Variants in SLC30A6 observed in about 807,000 individuals in gnomAD.
SLC30A6 encodes the protein solute carrier family 30 member 6.
A neutral mutation model predicts 63.0 loss-of-function variants in SLC30A6; 55 were observed. The ratio of observed to expected loss-of-function variants is 0.87; its 90% confidence interval spans 0.70 to 1.09. SLC30A6 has a LOEUF of 1.09. Among genes scored for constraint, SLC30A6 ranks in the 50% least tolerant of loss-of-function variants. The pLI is 0.00. For synonymous variants in SLC30A6, 224 were observed against 186.1 expected (o/e 1.20, Z -1.66); for missense variants, 587 against 549.2 (o/e 1.07, Z -0.69).
chr2:32,184,842 TAA>T, intron 5 of SLC30A6, among the ~76,000 whole-genome samples: 1 of 152,328 alleles, frequency 6.6e-6, no homozygotes, highest in South Asian at 2.1e-4. Flanking sequence ...ATGTTCACAT[TAA>T]GTTTTTTATA....
intron 13 of SLC30A6, among the ~76,000 whole-genome samples, chr2:32,210,094 C>T (rs1685120548): frequency 6.6e-6 from 1 of 152,162 alleles, no homozygotes; most frequent in African/African-American, 2.4e-5. Context: ...TTTATTATGA[C>T]ACGGTTTTAC....
At chr2:32,202,917 C>T in intron 10 of SLC30A6, 1 of 1,093,898 alleles carries the variant, frequency 9.1e-7, no homozygotes, top group South Asian at 1.2e-5. Flanking sequence ...TCATTGGTCT[C>T]AGAGGCCAGC....
intron 1 of SLC30A6, among the ~76,000 whole-genome samples, chr2:32,170,057 T>A (rs972632167): frequency 6.6e-6 from 1 of 152,150 alleles, no homozygotes. Context: ...AAAGTTTTTT[T>A]CCCCCTTAAG....
At chr2:32,201,524 C>G (rs998024734) in intron 10 of SLC30A6, 1 of 686,708 alleles carries the variant, frequency 1.5e-6, no homozygotes, top group African/African-American at 1.9e-5. Flanking sequence ...TGCCCTGCCC[C>G]TGTTTCCTTT....
At chr2:32,166,002 G>A in intron 1 of SLC30A6, 99 bp downstream of exon 1, 1 of 1,554,046 alleles carries the variant, frequency 6.4e-7, no homozygotes, top group Non-Finnish European at 8.9e-7. Flanking sequence ...ACCCAGAGGA[G>A]GGGTCATTGG....
intron 13 of SLC30A6, 50 bp downstream of exon 13, chr2:32,209,611 C>G: frequency 7.0e-7 from 1 of 1,437,778 alleles, no homozygotes; most frequent in Admixed American, 2.2e-5. Flanking sequence ...TATAGTCTTC[C>G]ATTTTTAAAA....
chr2:32,182,349 A>G (rs1682403687), intron 4 of SLC30A6, among the ~76,000 whole-genome samples: 1 of 152,216 alleles, frequency 6.6e-6, no homozygotes, highest in Non-Finnish European at 1.5e-5. Flanking sequence ...ACTTCAATGT[A>G]AATACCATAT....
chr2:32,179,034 A>T (rs907583402), intron 4 of SLC30A6, among the ~76,000 whole-genome samples: 3 of 152,046 alleles, frequency 2.0e-5, no homozygotes, highest in African/African-American at 7.2e-5. Context: ...TAATTTTTTG[A>T]TATTTTGTAG....
Position 32,224,296 on chromosome 2 carries a change from C to T in SLC30A6, c.*3583C>T, listed in dbSNP as rs918197991. The T allele has an allele frequency of 1.1e-5, 6 of 529,368 alleles. No individual in the cohort carries two copies. Among genetic ancestry groups the T allele is most frequent in the Admixed American group, 3.7e-5 (1 of 27,194 alleles). 32.8% of individuals were successfully genotyped at this position (529,368 alleles called of 1,614,324 possible). ...AAGATGAATGAGAATTCCTTCAAGGCGCCGATAATCCTAGTAGGAGAGCTA... is the reference window on the plus strand; with the variant it reads ...AAGATGAATGAGAATTCCTTCAAGGTGCCGATAATCCTAGTAGGAGAGCTA... On this transcript the variant is annotated 3_prime_UTR_variant, in exon 14 of 14. Transcript: ENST00000282587.
At chr2:32,206,747 C>A in intron 11 of SLC30A6, 139 bp from the exon 12 acceptor site, 2 of 601,520 alleles carry the variant, frequency 3.3e-6, no homozygotes, top group Non-Finnish European at 3.0e-6. Flanking sequence ...CAGTTGAAAC[C>A]TCTCTTCTCT....
chr2:32,208,508 G>C (rs1305782814), intron 12 of SLC30A6, among the ~76,000 whole-genome samples: 1 of 151,782 alleles, frequency 6.6e-6, no homozygotes, highest in African/African-American at 2.4e-5. Context: ...TTGAACTCCT[G>C]CTCTCAAGCC....
intron 10 of SLC30A6, among the ~76,000 whole-genome samples, chr2:32,201,012 G>A (rs894262726): frequency 6.6e-6 from 1 of 152,114 alleles, no homozygotes; most frequent in Non-Finnish European, 1.5e-5. Flanking sequence ...CCCTGCACAT[G>A]CTGCTTTCAC....
rs1686303683 is a variant in SLC30A6 at position 32,224,334 on chromosome 2, G to C, written c.*3621G>C. The C allele has an allele frequency of 3.3e-6, 2 of 613,444 alleles. No individual in the cohort carries two copies. Among genetic ancestry groups the C allele is most frequent in the African/African-American group, 3.7e-5 (2 of 53,882 alleles). 38.0% of individuals were successfully genotyped at this position (613,444 alleles called of 1,614,324 possible). ...AGTAGGAGAGCTAAGACACAAAACT[G>C]TTGCATGTTTTTAATCATCAAATTA... On this transcript the variant is annotated 3_prime_UTR_variant, in exon 14 of 14. Coordinates refer to ENST00000282587, the MANE Select transcript of SLC30A6 (RefSeq NM_017964.5).
In SLC30A6 at chr2:32,206,872, G is replaced by C; in HGVS notation, c.769-14G>C. The C allele has an allele frequency of 6.2e-7, 1 of 1,607,664 alleles. No homozygotes were observed. Among genetic ancestry groups the C allele is most frequent in the South Asian group, 1.1e-5 (1 of 90,924 alleles). On this transcript the variant is annotated splice_polypyrimidine_tract_variant and intron_variant, in intron 11 of 13. Coordinates refer to ENST00000282587, the MANE Select transcript of SLC30A6 (RefSeq NM_017964.5). Reference sequence around the variant, plus strand: ...CTTCCCCCATTATTCATATTTTATTGTATTTTTCCCCAGACAACACCACCC... The same window carrying C: ...CTTCCCCCATTATTCATATTTTATTCTATTTTTCCCCAGACAACACCACCC...
In SLC30A6 at chr2:32,193,953, C is replaced by G. The variant is rs148435831; in HGVS notation, c.466C>G (p.Arg156Gly). ...CFNLFTMLSI[R>G]NKPFAYVSEA... Reference sequence around the variant, plus strand: ...CAACCTGTTCACGATGCTTTCTATTCGGAATAAACCTTTTGCTTATGTCTC... The same window carrying G: ...CAACCTGTTCACGATGCTTTCTATTGGGAATAAACCTTTTGCTTATGTCTC... Residue 156 changes from arginine to glycine, a missense_variant, in exon 8 of 14, where the codon CGG (arginine) becomes GGG (glycine). Arg to Gly is a moderately radical substitution (Grantham distance 125). Coordinates refer to ENST00000282587, the MANE Select transcript of SLC30A6 (RefSeq NM_017964.5). The G allele has an allele frequency of 2.5e-6, 4 of 1,613,090 alleles. No individual in the cohort carries two copies. The highest frequency in any genetic ancestry group is 2.2e-5 in the South Asian group (2 of 90,970).
chr2:32,220,442 C>T lies in SLC30A6; in HGVS notation c.1115C>T (p.Pro372Leu), dbSNP rs754807244. ...PLLKGTDDLN[P>L]VTSTPAKPSS... ...TTAAAGGGTACTGATGATTTGAACCCAGTTACATCAACTCCAGCTAAACCT... is the reference window on the plus strand; with the variant it reads ...TTAAAGGGTACTGATGATTTGAACCTAGTTACATCAACTCCAGCTAAACCT... Residue 372 changes from proline to leucine, a missense_variant, in exon 14 of 14, where the codon CCA becomes CTA. Transcript: ENST00000282587. 3.7e-6 allele frequency: 6 copies of T among 1,614,056 alleles called. No individual in the cohort carries two copies. The South Asian group carries it at 6.6e-5, about 18-fold the overall frequency.
intron 4 of SLC30A6, among the ~76,000 whole-genome samples, chr2:32,176,392 C>A (rs932928076): frequency 6.6e-6 from 1 of 152,008 alleles, no homozygotes; most frequent in Non-Finnish European, 1.5e-5. Context: ...GGCTTAGTGG[C>A]TCACGCCTGT....
rs192793742 is a variant in SLC30A6, at chr2:32,174,641, C to T, written c.175+494C>T. 1.6e-3 allele frequency among the ~76,000 whole-genome samples: 230 copies of T among 146,524 alleles called. 1 individual carries two copies. Among genetic ancestry groups the T allele is most frequent in the African/African-American group, 5.4e-3 (215 of 39,794 alleles). ...TGATCTTGGCCCACTGCATCCTCCA[C>T]CTCCCTGGTTCAAGCGATTCTCCTG... On this transcript the variant is annotated intron_variant, in intron 3 of 13. Transcript: ENST00000282587.
chr2:32,214,901 AG>A (rs1685568827), intron 13 of SLC30A6, among the ~76,000 whole-genome samples: 1 of 152,238 alleles, frequency 6.6e-6, no homozygotes, highest in African/African-American at 2.4e-5. Flanking sequence ...GCAAAAGAAA[AG>A]GGAAAAATCA....
Sources: gnomAD v4.1 joint callset for allele counts (sites outside exome capture counted in the v4.1 genomes callset) on GRCh38, gnomAD v4.1.1 for gene constraint, MANE v1.5 for transcripts, NCBI Gene and HGNC (gene_info 2026-07-23, HGNC 2026-07-21) for gene names.